The following NUMB variants were observed in gnomAD, a reference collection of about 807,000 sequenced individuals.
NUMB encodes the protein protein numb homolog.
NUMB carries 29 observed loss-of-function variants against 59.7 expected under a neutral mutation model. The ratio of observed to expected loss-of-function variants is 0.49; its 90% confidence interval spans 0.36 to 0.66. The LOEUF (loss-of-function observed/expected upper bound fraction) is 0.66. NUMB is among the 30% of genes least tolerant of loss of function. The pLI is 0.00. For synonymous variants in NUMB, 288 were observed against 288.2 expected, an observed-to-expected ratio of 1.00 and a Z score of 0.01; for missense variants, 723 against 822.0, an observed-to-expected ratio of 0.88 and a Z score of 1.47.
chr14:73,343,439 G>C (rs2139983142), intron 4 of NUMB, among the ~76,000 whole-genome samples: 1 of 152,354 alleles, frequency 6.6e-6, no homozygotes, highest in South Asian at 2.1e-4. Context: ...GGTTGACATT[G>C]TTAGTTGCCT....
At chr14:73,379,084 C>T (rs1011811376) in intron 2 of NUMB, among the ~76,000 whole-genome samples, 4 of 152,242 alleles carry the variant, frequency 2.6e-5, no homozygotes, top group African/African-American at 9.6e-5. Context: ...CTAAAAAGAC[C>T]TCTCCATGAT....
intron 2 of NUMB, among the ~76,000 whole-genome samples, chr14:73,378,213 C>T (rs553344862): frequency 6.6e-6 from 1 of 152,274 alleles, no homozygotes; most frequent in East Asian, 1.9e-4. Flanking sequence ...CCATTACACA[C>T]CCACTAGAAT....
At chr14:73,359,142 A>T (rs1188062248) in intron 3 of NUMB, among the ~76,000 whole-genome samples, 1 of 152,234 alleles carries the variant, frequency 6.6e-6, no homozygotes, top group Non-Finnish European at 1.5e-5. Context: ...TTTCTTTTTT[A>T]AAAAATGAAT....
chr14:73,279,509 T>C, intron 11 of NUMB, 85 bp from the exon 12 acceptor site: 1 of 1,287,916 alleles, frequency 7.8e-7, no homozygotes, highest in South Asian at 1.5e-5. Flanking sequence ...GTCAGGTGAA[T>C]GTACAATACT....
At chr14:73,357,997 C>T (rs10135861) in intron 3 of NUMB, among the ~76,000 whole-genome samples, 121,735 of 151,722 alleles carry the variant, frequency 0.8, 49,421 homozygotes, top group African/African-American at 0.93. Flanking sequence ...CCTACCTACT[C>T]GGCCAAGCCA....
chr14:73,375,957 C>T (rs1416315710), intron 2 of NUMB, among the ~76,000 whole-genome samples: 3 of 152,204 alleles, frequency 2.0e-5, no homozygotes, highest in East Asian at 1.9e-4. Context: ...CTACATCACA[C>T]TTAATGGTGA....
chr14:73,350,078 T>TACATAC (rs1555373557), intron 4 of NUMB, among the ~76,000 whole-genome samples: 7 of 137,698 alleles, frequency 5.1e-5, no homozygotes, highest in Non-Finnish European at 9.2e-5. Flanking sequence ...CATACATACA[T>TACATAC]ACACACACAC....
At chr14:73,456,781 T>G (rs990949537) in intron 1 of NUMB, among the ~76,000 whole-genome samples, 19 of 152,198 alleles carry the variant, frequency 1.2e-4, no homozygotes, top group African/African-American at 4.6e-4. Context: ...GTTCTTAAAG[T>G]GTGGTCCTCT....
In NUMB at chr14:73,307,994, A is replaced by G. The variant is rs972663958; in HGVS notation, c.234+8396T>C. 4.6e-5 allele frequency among the ~76,000 whole-genome samples: 7 copies of G among 151,884 alleles called. No homozygotes were observed. In the East Asian group the frequency reaches 1.2e-3, roughly 25 times the overall value. ...GTGATCCGCCCGCCTCGTCCTCCCA[A>G]CGTGCTGGGATTACAGGCGTGAGCC... On this transcript the variant is annotated intron_variant, in intron 6 of 12. Transcript: ENST00000555238.
chr14:73,348,141 G>T (rs76538041), intron 4 of NUMB, among the ~76,000 whole-genome samples: 1 of 152,050 alleles, frequency 6.6e-6, no homozygotes, highest in Non-Finnish European at 1.5e-5. Flanking sequence ...GCAGAATGAG[G>T]CATCTTTTGC....
intron 1 of NUMB, among the ~76,000 whole-genome samples, chr14:73,455,533 TAATA>T (rs1334201221): frequency 9.2e-5 from 14 of 152,240 alleles, no homozygotes; most frequent in African/African-American, 3.1e-4. Context: ...AGCTCCCTCT[TAATA>T]AATGATTTAC....
intron 1 of NUMB, among the ~76,000 whole-genome samples, chr14:73,449,952 T>G (rs551598220): frequency 6.6e-6 from 1 of 152,222 alleles, no homozygotes; most frequent in Non-Finnish European, 1.5e-5. Flanking sequence ...CCTCCCAAAG[T>G]GCTGGGATTA....
At chr14:73,395,348 C>T (rs1227740723) in intron 2 of NUMB, among the ~76,000 whole-genome samples, 4 of 151,790 alleles carry the variant, frequency 2.6e-5, no homozygotes, top group African/African-American at 9.7e-5. Context: ...GTGGGCTGGG[C>T]GTGGTGGCTC....
intron 8 of NUMB, among the ~76,000 whole-genome samples, chr14:73,288,886 A>T (rs564380791): frequency 5.3e-5 from 8 of 151,984 alleles, no homozygotes; most frequent in Admixed American, 2.0e-4. Flanking sequence ...AAAAAAAAAG[A>T]AAAAGAAAAA....
chr14:73,283,990 G>T, intron 10 of NUMB, 91 bp downstream of exon 10: 1 of 1,193,734 alleles, frequency 8.4e-7, no homozygotes, highest in Non-Finnish European at 1.2e-6. Context: ...AAAGAGGAAT[G>T]CCTAGTTTAA....
chr14:73,282,652 G>T, intron 10 of NUMB, 147 bp from the exon 11 acceptor site: 1 of 838,220 alleles, frequency 1.2e-6, no homozygotes, highest in Non-Finnish European at 1.7e-6. Flanking sequence ...TACAAAACCA[G>T]TTTCAAAAAA....
chr14:73,341,698 G>A (rs571917355), intron 4 of NUMB, among the ~76,000 whole-genome samples: 2 of 152,146 alleles, frequency 1.3e-5, no homozygotes, highest in East Asian at 3.9e-4. Flanking sequence ...TGGGATTACA[G>A]GTTACCATGC....
intron 2 of NUMB, among the ~76,000 whole-genome samples, chr14:73,374,749 G>C (rs575323955): frequency 1.6e-5 from 2 of 127,902 alleles, no homozygotes; most frequent in Non-Finnish European, 3.1e-5. Flanking sequence ...TTGAGACAGA[G>C]TCTCTCTCTT....
intron 1 of NUMB, among the ~76,000 whole-genome samples, chr14:73,445,703 G>A (rs1035701599): frequency 1.3e-5 from 2 of 152,070 alleles, no homozygotes; most frequent in Non-Finnish European, 2.9e-5. Flanking sequence ...ACTTTACATG[G>A]ATTATCTCAT....
Sources: gnomAD v4.1 joint callset for allele counts (sites outside exome capture counted in the v4.1 genomes callset) on GRCh38, gnomAD v4.1.1 for gene constraint, MANE v1.5 for transcripts, NCBI Gene and HGNC (gene_info 2026-07-23, HGNC 2026-07-21) for gene names.